Variants in TRIM38 observed in about 807,000 individuals in gnomAD.
TRIM38 encodes tripartite motif containing 38, also known as E3 ubiquitin-protein ligase TRIM38.
Under a neutral mutation model 35.8 loss-of-function variants are expected in TRIM38, and 35 were observed. That is an observed-to-expected ratio of 0.98 (90% CI 0.75 to 1.30). The LOEUF (loss-of-function observed/expected upper bound fraction) is 1.30. Among genes scored for constraint, TRIM38 ranks in the 50% most tolerant of loss-of-function variants. The probability of loss-of-function intolerance (pLI) is 0.00; values close to 1 mark genes in which losing one functional copy is unlikely to be tolerated. For synonymous variants in TRIM38, 198 were observed against 204.7 expected, an observed-to-expected ratio of 0.97 and a Z score of 0.28; for missense variants, 545 against 556.9, an observed-to-expected ratio of 0.98 and a Z score of 0.21.
In TRIM38 at chr6:25,989,785, T is replaced by C. The variant is rs1463934907; in HGVS notation, c.*6098T>C. On this transcript the variant is annotated 3_prime_UTR_variant, in exon 8 of 8. Coordinates refer to ENST00000357085, the MANE Select transcript of TRIM38 (RefSeq NM_006355.5). ...AATTTCTCTTTATCACCTCTTCTTA[T>C]AAATATGGTTTTCTTTTTTTAAATA... 6.6e-6 allele frequency: 1 copy of C among 152,200 alleles called. No individual in the cohort carries two copies. Among genetic ancestry groups the C allele is most frequent in the East Asian group, 1.9e-4 (1 of 5,186 alleles). 9.4% of individuals were successfully genotyped at this position (152,200 alleles called of 1,614,324 possible). A position where few individuals can be genotyped will look rare whatever the true frequency, so the allele number is the denominator to read the frequency against.
Position 25,971,952 on chromosome 6 carries a change from T to A in TRIM38, c.591T>A (p.Tyr197Ter). ...QCFLHEEEKS[Y>*]LWRLEKEEQQ... ...TCCTACATGAGGAAGAGAAGTCTTA[T>A]CTCTGGAGGCTGGAGAAAGAAGAAC... Residue 197 changes from tyrosine (Y) to a stop codon, truncating the protein, a stop_gained, in exon 5 of 8, where the codon TAT becomes TAA. Transcript: ENST00000357085. LOFTEE classifies it high-confidence loss of function. 6.2e-7 allele frequency: 1 copy of A among 1,614,168 alleles called. No individual in the cohort carries two copies. Among genetic ancestry groups the A allele is most frequent in the South Asian group, 1.1e-5 (1 of 91,084 alleles).
rs1041706160 is a variant in TRIM38, at chr6:25,972,006, T to C, written c.645T>C (p.Tyr215=). 6.2e-7 allele frequency: 1 copy of C among 1,613,986 alleles called. No individual in the cohort carries two copies. Among genetic ancestry groups the C allele is most frequent in the African/African-American group, 1.3e-5 (1 of 74,896 alleles). ...AGACTCTGAGTAGACTGAGGGACTA[T>C]GAGGCTGGTCTGGGGCTGAAGAGCA... ...EQQTLSRLRD[Y]EAGLGLKSNE... The change falls in exon 5 of 8, where the codon TAT becomes TAC. Residue 215 remains tyrosine (Y), a synonymous_variant. Transcript: ENST00000357085.
Position 25,977,673 on chromosome 6 carries a change from A to G in TRIM38, c.874+4388A>G, listed in dbSNP as rs1760437137. 4.6e-5 allele frequency among the ~76,000 whole-genome samples: 7 copies of G among 152,012 alleles called. No individual in the cohort carries two copies. In the South Asian group the frequency reaches 1.5e-3, roughly 32 times the overall value. On this transcript the variant is annotated intron_variant, in intron 7 of 7. Coordinates refer to ENST00000357085, the MANE Select transcript of TRIM38 (RefSeq NM_006355.5). ...CAGAGTAAGACTCCATCTCAAAAAA[A>G]AAAAGAAGAGAGATGAAGGAGGAGG...
At chr6:25,980,272 C>A (rs1341423506) in intron 7 of TRIM38, among the ~76,000 whole-genome samples, 1 of 152,088 alleles carries the variant, frequency 6.6e-6, no homozygotes, top group African/African-American at 2.4e-5. Flanking sequence ...TTAAAACATC[C>A]CATGATGATT....
chr6:25,963,950 G>A (rs183282293), intron 2 of TRIM38, among the ~76,000 whole-genome samples: 83 of 146,086 alleles, frequency 5.7e-4, no homozygotes, highest in Middle Eastern at 3.5e-3. Context: ...AAAAACAACC[G>A]ACCTTATTAA....
At chr6:25,975,127 G>C (rs1287484871) in intron 7 of TRIM38, 16 of 973,234 alleles carry the variant, frequency 1.6e-5, no homozygotes, top group South Asian at 4.8e-5. Flanking sequence ...CCGCCTTCCG[G>C]GTCAAGTGAA....
In TRIM38 at chr6:25,984,133, T is replaced by C. The variant is rs1760649577; in HGVS notation, c.*446T>C. On this transcript the variant is annotated 3_prime_UTR_variant, in exon 8 of 8. Transcript: ENST00000357085. Reference sequence around the variant, plus strand: ...AGAAAAATCAAAATAACATTGACTCTTCCAACCACTGACATGTTGTTTAAT... The same window carrying C: ...AGAAAAATCAAAATAACATTGACTCCTCCAACCACTGACATGTTGTTTAAT... 6.4e-6 allele frequency: 1 copy of C among 155,830 alleles called. No homozygotes were observed. The highest frequency in any genetic ancestry group is 1.9e-4 in the South Asian group (1 of 5,130). 9.7% of individuals were successfully genotyped at this position (155,830 alleles called of 1,614,324 possible). A position where few individuals can be genotyped will look rare whatever the true frequency, so the allele number is the denominator to read the frequency against.
chr6:25,966,256 G>C (rs1561895466), intron 2 of TRIM38, 79 bp from the exon 3 acceptor site: 2 of 388,134 alleles, frequency 5.2e-6, no homozygotes, highest in Non-Finnish European at 9.2e-6. Flanking sequence ...TGCTAATGAG[G>C]GCAACTTGAA....
chr6:25,987,523 G>C lies in TRIM38; in HGVS notation c.*3836G>C, dbSNP rs1339793811. The C allele has an allele frequency of 1.3e-4, 20 of 152,006 alleles. No homozygotes were observed. The highest frequency in any genetic ancestry group is 1.2e-3 in the Admixed American group (19 of 15,266). The allele number at this position is 152,006 out of a possible 1,614,324, so 9.4% of individuals were successfully genotyped here. A position where few individuals can be genotyped will look rare whatever the true frequency, so the allele number is the denominator to read the frequency against. The stretch of plus-strand genomic sequence containing the variant: ...CAACTAAACCTAACTATCACCCAAA[G>C]AGCCCACCTCCAAAGACCATCACAT... On this transcript the variant is annotated 3_prime_UTR_variant, in exon 8 of 8. Coordinates refer to ENST00000357085, the MANE Select transcript of TRIM38 (RefSeq NM_006355.5).
chr6:25,975,568 T>A, intron 7 of TRIM38: 1 of 956,628 alleles, frequency 1.0e-6, no homozygotes, highest in Non-Finnish European at 1.2e-6. Flanking sequence ...TTATTTTACA[T>A]TGCCTTCAAG....
Position 25,966,329 on chromosome 6 carries a change from T to C in TRIM38, c.-188-6T>C. 1.8e-6 allele frequency: 1 copy of C among 566,238 alleles called. No homozygotes were observed. The highest frequency in any genetic ancestry group is 2.9e-6 in the Non-Finnish European group (1 of 349,258). 35.1% of individuals were successfully genotyped at this position (566,238 alleles called of 1,614,324 possible). The stretch of plus-strand genomic sequence containing the variant: ...AACAACCTCAGCCTCAACTTCTTCC[T>C]TTTAGGTCCTCTTTTCTTCAATACA... On this transcript the variant is annotated splice_polypyrimidine_tract_variant and splice_region_variant and intron_variant, in intron 2 of 7. Transcript: ENST00000357085.
In TRIM38 at chr6:25,969,372, A is replaced by G; in HGVS notation, c.459A>G (p.Arg153=). ...CAAAACTGAAGCAACTTGAAGACAG[A>G]TGTACGGAGCAGAAGCTGTCCACAG... is the stretch of plus-strand genomic sequence containing the variant. ...AVTKLKQLED[R]CTEQKLSTAM... The change falls in exon 4 of 8, where the codon AGA becomes AGG. Residue 153 remains arginine (R), a synonymous_variant. Transcript: ENST00000357085. 1.2e-6 allele frequency: 2 copies of G among 1,612,994 alleles called. No homozygotes were observed. The highest frequency in any genetic ancestry group is 1.7e-6 in the Non-Finnish European group (2 of 1,179,472).
chr6:25,974,185 C>A (rs1403625721), intron 7 of TRIM38, among the ~76,000 whole-genome samples: 2 of 152,150 alleles, frequency 1.3e-5, no homozygotes, highest in Non-Finnish European at 2.9e-5. Context: ...TATCTGGAGG[C>A]TAGGCTAAGG....
chr6:25,990,753 A>C lies in TRIM38; in HGVS notation c.*7066A>C, dbSNP rs1760813456. The C allele has an allele frequency of 6.6e-6, 1 of 151,942 alleles. No homozygotes were observed. The highest frequency in any genetic ancestry group is 2.1e-4 in the South Asian group (1 of 4,834). The allele number at this position is 151,942 out of a possible 1,614,324, so 9.4% of individuals were successfully genotyped here. The stretch of plus-strand genomic sequence containing the variant: ...CAGTATTTCAATTTAATTACTAATT[A>C]TAATTCACAGTTATCCTTGTAACTC... On this transcript the variant is annotated 3_prime_UTR_variant, in exon 8 of 8. Coordinates refer to ENST00000357085, the MANE Select transcript of TRIM38 (RefSeq NM_006355.5).
Position 25,983,321 on chromosome 6 carries a change from A to G in TRIM38, c.1032A>G (p.Ser344=). ...PCVLGCEGFT[S]GRRYFEVDVG... is the part of the protein sequence containing the mutation. ...TCTTGGGTTGTGAAGGCTTCACCTC[A>G]GGAAGACGTTACTTTGAAGTGGATG... The change falls in exon 8 of 8, where the codon TCA becomes TCG. Residue 344 remains serine (S), a synonymous_variant. Transcript: ENST00000357085. The G allele has an allele frequency of 6.2e-7, 1 of 1,614,116 alleles. No homozygotes were observed. Among genetic ancestry groups the G allele is most frequent in the Middle Eastern group, 1.6e-4 (1 of 6,062 alleles).
intron 7 of TRIM38, among the ~76,000 whole-genome samples, chr6:25,982,763 T>C (rs1187105741): frequency 2.0e-5 from 3 of 152,204 alleles, no homozygotes. Context: ...GAAACAATAG[T>C]TGGGTTTGAA....
rs1357992193 is a variant in TRIM38, at chr6:25,983,594, T to C, written c.1305T>C (p.Phe435=). Reference sequence around the variant, plus strand: ...ACGGGAATACTGGCTGCCACATCTTTACTTTCCCGAAGGCTTCCTTCTCTG... The same window carrying C: ...ACGGGAATACTGGCTGCCACATCTTCACTTTCCCGAAGGCTTCCTTCTCTG... ...FYNGNTGCHI[F]TFPKASFSDT... Residue 435 remains phenylalanine, a synonymous_variant, in exon 8 of 8, where the codon TTT becomes TTC. Coordinates refer to ENST00000357085, the MANE Select transcript of TRIM38 (RefSeq NM_006355.5). 1.1e-5 allele frequency: 17 copies of C among 1,614,014 alleles called. No homozygotes were observed. Among genetic ancestry groups the C allele is most frequent in the Non-Finnish European group, 1.4e-5 (17 of 1,180,044 alleles).
rs1171627278 is a variant in TRIM38 at position 25,985,681 on chromosome 6, G to C, written c.*1994G>C. 1 of 152,198 alleles carries C rather than the reference G, an allele frequency of 6.6e-6. No homozygotes were observed. The highest frequency in any genetic ancestry group is 1.5e-5 in the Non-Finnish European group (1 of 68,054). 9.4% of individuals were successfully genotyped at this position (152,198 alleles called of 1,614,324 possible). ...GTAATAGGACCCAGTGGGTAACCGA[G>C]GAACCCCACCTTTGTGCAGGATCAG... On this transcript the variant is annotated 3_prime_UTR_variant, in exon 8 of 8. Coordinates refer to ENST00000357085, the MANE Select transcript of TRIM38 (RefSeq NM_006355.5).
Position 25,985,437 on chromosome 6 carries a change from CTCTTT to C in TRIM38, c.*1752_*1756del, listed in dbSNP as rs1367081994. ...GCTATATAAGCCCAAGTTCTAAATC[CTCTTT>C]TGAGTATTCATCTCAGTACTCCCCT... On this transcript the variant is annotated 3_prime_UTR_variant, in exon 8 of 8. Coordinates refer to ENST00000357085, the MANE Select transcript of TRIM38 (RefSeq NM_006355.5). 5 of 152,136 alleles carry C rather than the reference CTCTTT, an allele frequency of 3.3e-5. No homozygotes were observed. The highest frequency in any genetic ancestry group is 1.2e-4 in the African/African-American group (5 of 41,424). 9.4% of individuals were successfully genotyped at this position (152,136 alleles called of 1,614,324 possible).
Sources: allele counts gnomAD v4.1 joint callset (sites outside exome capture counted in the v4.1 genomes callset), GRCh38; gene constraint gnomAD v4.1.1; transcripts MANE v1.5; gene names NCBI Gene and HGNC (gene_info 2026-07-23, HGNC 2026-07-21).